Variants in DLG2 observed in about 807,000 individuals in gnomAD.
DLG2 encodes the protein disks large homolog 2.
Under a neutral mutation model 132.5 loss-of-function variants are expected in DLG2, and 45 were observed. The observed-to-expected ratio is 0.34, with a 90% CI of 0.27 to 0.44. The LOEUF is 0.44. Ranked by LOEUF, DLG2 falls within the 20% of genes least tolerant of loss-of-function variation. The pLI, the probability that DLG2 is intolerant of heterozygous loss-of-function variation, is 1.00. For missense variants in DLG2, 1,045 were observed against 1,196.9 expected, an observed-to-expected ratio of 0.87 and a Z score of 1.87; for synonymous variants, 424 against 419.6, an observed-to-expected ratio of 1.01 and a Z score of -0.13.
chr11:84,400,860 T>C (rs920187491), intron 7 of DLG2, among the ~76,000 whole-genome samples: 1 of 152,182 alleles, frequency 6.6e-6, no homozygotes, highest in Non-Finnish European at 1.5e-5. Context: ...ATCAAGACTA[T>C]AGAATTCTCA....
At chr11:84,715,382 G>A (rs972738401) in intron 6 of DLG2, among the ~76,000 whole-genome samples, 2 of 152,116 alleles carry the variant, frequency 1.3e-5, no homozygotes, top group African/African-American at 4.8e-5. Flanking sequence ...GTATGTGTGT[G>A]TGTATGTAAG....
At chr11:84,199,219 T>C (rs1374438075) in intron 8 of DLG2, among the ~76,000 whole-genome samples, 1 of 152,084 alleles carries the variant, frequency 6.6e-6, no homozygotes, top group Non-Finnish European at 1.5e-5. Context: ...AAAGACAATT[T>C]CCTAGGCAGC....
chr11:85,036,627 T>C (rs573035294), intron 6 of DLG2, among the ~76,000 whole-genome samples: 20 of 152,360 alleles, frequency 1.3e-4, no homozygotes, highest in African/African-American at 4.6e-4. Flanking sequence ...TTTAGTTCTA[T>C]AAATATTACC....
At chr11:84,141,753 C>T (rs1272961905) in intron 9 of DLG2, among the ~76,000 whole-genome samples, 1 of 151,948 alleles carries the variant, frequency 6.6e-6, no homozygotes, top group Non-Finnish European at 1.5e-5. Flanking sequence ...TGCTTAGTTA[C>T]ATTGGTTTTA....
chr11:85,246,841 G>A (rs1211650033), intron 4 of DLG2, among the ~76,000 whole-genome samples: 2 of 152,064 alleles, frequency 1.3e-5, no homozygotes, highest in African/African-American at 2.4e-5. Context: ...AGTAATGCAA[G>A]ATAACGATCA....
intron 16 of DLG2, among the ~76,000 whole-genome samples, chr11:83,847,175 A>T (rs2154025290): frequency 6.6e-6 from 1 of 152,298 alleles, no homozygotes; most frequent in African/African-American, 2.4e-5. Context: ...TAAAAAAGTA[A>T]ATATCTATTG....
intron 15 of DLG2, among the ~76,000 whole-genome samples, chr11:83,896,710 G>A (rs9667607): frequency 2.0e-5 from 3 of 152,170 alleles, no homozygotes; most frequent in Admixed American, 1.3e-4. Context: ...TTAATTGTAA[G>A]TGGGCATGAG....
intron 6 of DLG2, among the ~76,000 whole-genome samples, chr11:84,782,565 G>T (rs1348751744): frequency 6.6e-6 from 1 of 151,990 alleles, no homozygotes; most frequent in Non-Finnish European, 1.5e-5. Context: ...TGAATCCCGG[G>T]TTAAGAAATC....
At chr11:84,262,733 C>A (rs1284829191) in intron 7 of DLG2, among the ~76,000 whole-genome samples, 1 of 152,104 alleles carries the variant, frequency 6.6e-6, no homozygotes, top group Non-Finnish European at 1.5e-5. Context: ...TAGGCCTTTG[C>A]ATCCTCAGAG....
intron 6 of DLG2, among the ~76,000 whole-genome samples, chr11:84,800,860 T>A (rs1428083764): frequency 6.6e-6 from 1 of 152,214 alleles, no homozygotes; most frequent in Non-Finnish European, 1.5e-5. Context: ...ACAAGTTTAA[T>A]GACATGTTCA....
At chr11:85,066,612 T>A (rs1323000101) in intron 6 of DLG2, among the ~76,000 whole-genome samples, 2 of 151,672 alleles carry the variant, frequency 1.3e-5, no homozygotes. Flanking sequence ...TTGGGTTTTA[T>A]CCAGGGATGT....
intron 19 of DLG2, among the ~76,000 whole-genome samples, chr11:83,547,406 C>T (rs187814374): frequency 6.6e-4 from 101 of 152,030 alleles, no homozygotes; most frequent in Non-Finnish European, 1.1e-3. Flanking sequence ...CTGGATTATC[C>T]GGGTGGACAC....
chr11:84,740,002 G>A (rs1308275295), intron 6 of DLG2, among the ~76,000 whole-genome samples: 1 of 151,850 alleles, frequency 6.6e-6, no homozygotes, highest in Non-Finnish European at 1.5e-5. Context: ...CAGATTCTCA[G>A]CCTCACAATG....
intron 6 of DLG2, among the ~76,000 whole-genome samples, chr11:84,558,412 C>T (rs544615821): frequency 6.6e-6 from 1 of 152,136 alleles, no homozygotes; most frequent in Non-Finnish European, 1.5e-5. Context: ...ACACATGCTT[C>T]TTTCCTAAAA....
intron 18 of DLG2, among the ~76,000 whole-genome samples, chr11:83,729,460 T>C (rs1159546604): frequency 1.3e-5 from 2 of 152,202 alleles, no homozygotes; most frequent in African/African-American, 4.8e-5. Context: ...CTTCCTCAGG[T>C]TAATCAAGTC....
intron 4 of DLG2, among the ~76,000 whole-genome samples, chr11:85,254,304 A>C (rs1048837560): frequency 6.6e-6 from 1 of 152,258 alleles, no homozygotes; most frequent in Admixed American, 6.5e-5. Context: ...AGACATCTAC[A>C]ATCTATTACA....
At chr11:85,068,320 G>A (rs1052686012) in intron 6 of DLG2, among the ~76,000 whole-genome samples, 16 of 152,038 alleles carry the variant, frequency 1.1e-4, no homozygotes, top group African/African-American at 3.9e-4. Flanking sequence ...GCAGGAGAAG[G>A]AAATAAAGGG....
At chr11:84,901,278 C>T (rs1287447859) in intron 6 of DLG2, among the ~76,000 whole-genome samples, 5 of 151,864 alleles carry the variant, frequency 3.3e-5, no homozygotes, top group Admixed American at 3.3e-4. Context: ...TTAGTAAGCC[C>T]AAGGCTTCAG....
intron 2 of DLG2, among the ~76,000 whole-genome samples, chr11:85,620,822 A>G (rs1346624461): frequency 6.6e-6 from 1 of 152,266 alleles, no homozygotes; most frequent in African/African-American, 2.4e-5. Context: ...TAAAAGTGCA[A>G]GGTGAAGCAG....
Sources: gnomAD v4.1 joint callset for allele counts (sites outside exome capture counted in the v4.1 genomes callset) on GRCh38, gnomAD v4.1.1 for gene constraint, MANE v1.5 for transcripts, NCBI Gene and HGNC (gene_info 2026-07-23, HGNC 2026-07-21) for gene names.